The following TTN variants were observed in gnomAD, a reference collection of about 807,000 sequenced individuals.
TTN encodes the protein titin.
TTN carries 1,525 observed loss-of-function variants against 3,223.0 expected under a neutral mutation model. The ratio of observed to expected loss-of-function variants is 0.47; its 90% CI spans 0.45 to 0.49. The LOEUF is 0.49. Among genes scored for constraint, TTN ranks in the 20% least tolerant of loss-of-function variants. TTN has a pLI of 0.00. For missense variants in TTN, 40,786 were observed against 43,424.0 expected (o/e 0.94, Z 5.40); for synonymous variants, 14,094 against 15,161.0 (o/e 0.93, Z 5.17).
chr2:178,723,521 T>C lies in TTN; in HGVS notation c.21579A>G (p.Glu7193=). The C allele has an allele frequency of 6.2e-7, 1 of 1,613,426 alleles. No homozygotes were observed. Among genetic ancestry groups the C allele is most frequent in the Non-Finnish European group, 8.5e-7 (1 of 1,179,612 alleles). Residue 7193 remains glutamate (E), a synonymous_variant, in exon 74 of 363, where the codon GAA becomes GAG. Transcript: ENST00000589042. ...CNIYFEDTVA[E]LELFNIDISQ... is the part of the protein sequence containing the mutation. ...ATATGTCAATATTAAATAATTCCAG[T>C]TCTGCCACAGTGTCTTCAAAATAGA...
chr2:178,572,170 C>T lies in TTN; in HGVS notation c.73962G>A (p.Glu24654=). The T allele has an allele frequency of 6.2e-7, 1 of 1,613,434 alleles. No homozygotes were observed. The highest frequency in any genetic ancestry group is 8.5e-7 in the Non-Finnish European group (1 of 1,179,618). Residue 24654 remains glutamate (E), a synonymous_variant, in exon 326 of 363, where the codon GAG becomes GAA. Transcript: ENST00000589042. The stretch of plus-strand genomic sequence containing the variant: ...ATTTGTCACTGCCTTTGGTCTGCAT[C>T]TCCACAATGTAGCCTAGAATTCGGC... ...GGSRILGYIV[E]MQTKGSDKWA...
chr2:178,693,507 C>T, intron 119 of TTN, 102 bp downstream of exon 119: 1 of 860,096 alleles, frequency 1.2e-6, no homozygotes, highest in Non-Finnish European at 1.7e-6. Flanking sequence ...GGTATGCACA[C>T]TGTGACTAAA....
In TTN at chr2:178,612,785, G is replaced by A. The variant is rs794729448; in HGVS notation, c.49936C>T (p.Arg16646Trp). The change falls in exon 265 of 363, where the codon CGG (arginine) becomes TGG (tryptophan). Residue 16646 changes from arginine to tryptophan, a missense_variant. Coordinates refer to ENST00000589042, the MANE Select transcript of TTN (RefSeq NM_001267550.2). ...AAGAGTGACTTACATAGCTTCTCCC[G>A]GCAAAGCACAGGGTCACTGGGTTCA... Reference protein sequence around the residue: ...PSEPSDPVLCREKLYPPSPPR... With the variant: ...PSEPSDPVLCWEKLYPPSPPR... The A allele has an allele frequency of 5.0e-6, 8 of 1,609,314 alleles. No homozygotes were observed. The highest frequency in any genetic ancestry group is 4.2e-6 in the Non-Finnish European group (5 of 1,178,152).
intron 46 of TTN, among the ~76,000 whole-genome samples, chr2:178,755,261 T>C (rs1243053071): frequency 1.3e-5 from 2 of 152,144 alleles, no homozygotes; most frequent in Non-Finnish European, 2.9e-5. Flanking sequence ...CTTCCAGACA[T>C]AATGGAGAAT....
In TTN at chr2:178,589,146, T is replaced by C. The variant is rs1405326036; in HGVS notation, c.62579A>G (p.Asn20860Ser). 3.1e-6 allele frequency: 5 copies of C among 1,613,260 alleles called. No homozygotes were observed. Among genetic ancestry groups the C allele is most frequent in the East Asian group, 2.2e-5 (1 of 44,728 alleles). Residue 20860 changes from asparagine (N) to serine (S), a missense_variant, in exon 304 of 363, where the codon AAT (asparagine) becomes AGT (serine). Physicochemically the swap from Asn to Ser is conservative, Grantham distance 46 (BLOSUM62 1). Coordinates refer to ENST00000589042, the MANE Select transcript of TTN (RefSeq NM_001267550.2). ...AGSFVAYATV[N>S]VLDKPGPVRN... ...CACAGGACCAGGCTTATCTAAAACATTGACAGTGGCATAGGCCACAAAACT... is the reference window on the plus strand; with the variant it reads ...CACAGGACCAGGCTTATCTAAAACACTGACAGTGGCATAGGCCACAAAACT...
chr2:178,711,167 T>G lies in TTN; in HGVS notation c.28069A>C (p.Thr9357Pro). Residue 9357 changes from threonine (T) to proline (P), a missense_variant, in exon 97 of 363, where the codon ACA becomes CCA. Coordinates refer to ENST00000589042, the MANE Select transcript of TTN (RefSeq NM_001267550.2). The stretch of plus-strand genomic sequence containing the variant: ...CGGTCAGTTTTAAAAATATTGAGTG[T>G]GGCTGTATTGTCTAAAAATGATGTT... ...VQTSFLDNTATLNIFKTDRSL... is the reference protein window; with the variant it reads ...VQTSFLDNTAPLNIFKTDRSL... 6.2e-7 allele frequency: 1 copy of G among 1,613,886 alleles called. No homozygotes were observed. Among genetic ancestry groups the G allele is most frequent in the Non-Finnish European group, 8.5e-7 (1 of 1,179,804 alleles).
At chr2:178,694,463 T>A (rs2073198869) in intron 117 of TTN, 136 bp downstream of exon 117, 1 of 561,412 alleles carries the variant, frequency 1.8e-6, no homozygotes, top group African/African-American at 1.9e-5. Flanking sequence ...CAACTCAACA[T>A]AAAATTTGTA....
rs1288189070 is a variant in TTN at position 178,593,267 on chromosome 2, T to C, written c.58941A>G (p.Gly19647=). 6.2e-7 allele frequency: 1 copy of C among 1,613,436 alleles called. No homozygotes were observed. Among genetic ancestry groups the C allele is most frequent in the Non-Finnish European group, 8.5e-7 (1 of 1,179,578 alleles). ...CAGAAACCCGGAATTCATACTGACA[T>C]CCTTCTAGAAGATCAGGAACCCTAA... is the stretch of plus-strand genomic sequence containing the variant. ...TKFRVPDLLE[G]CQYEFRVSAE... Residue 19647 remains glycine (G), a synonymous_variant, in exon 299 of 363, where the codon GGA becomes GGG. Coordinates refer to ENST00000589042, the MANE Select transcript of TTN (RefSeq NM_001267550.2).
chr2:178,637,176 T>G (rs1368259795), intron 224 of TTN, among the ~76,000 whole-genome samples, 193 bp downstream of exon 224: 3 of 130,890 alleles, frequency 2.3e-5, no homozygotes, highest in Non-Finnish European at 4.8e-5. Context: ...TATATATATA[T>G]ATATATATAT....
Position 178,532,832 on chromosome 2 carries a change from T to C in TTN, c.103783A>G (p.Ile34595Val). Reference sequence around the variant, plus strand: ...AACTGTTCCCATCTTGAAAGGCGGATGCGCTTGGGTCGTTTCTGTACAACT... The same window carrying C: ...AACTGTTCCCATCTTGAAAGGCGGACGCGCTTGGGTCGTTTCTGTACAACT... ...DRVVQKRPKR[I>V]RLSRWEQFYV... Residue 34595 changes from isoleucine (I) to valine (V), a missense_variant, in exon 358 of 363, where the codon ATC (isoleucine) becomes GTC (valine). By Grantham distance (29) the Ile-to-Val change is conservative. Coordinates refer to ENST00000589042, the MANE Select transcript of TTN (RefSeq NM_001267550.2). The C allele has an allele frequency of 6.2e-7, 1 of 1,613,970 alleles. No individual in the cohort carries two copies.
rs1560322362 is a variant in TTN at position 178,680,073 on chromosome 2, T to G, written c.33419-18A>C. The G allele has an allele frequency of 6.2e-7, 1 of 1,609,810 alleles. No homozygotes were observed. Among genetic ancestry groups the G allele is most frequent in the Non-Finnish European group, 8.5e-7 (1 of 1,178,666 alleles). ...TTCTGGCACTTTAAAGATATTATCT[T>G]TAAGTTGGACATTTGCCAATGACTC... On this transcript the variant is annotated intron_variant, in intron 139 of 362. Coordinates refer to ENST00000589042, the MANE Select transcript of TTN (RefSeq NM_001267550.2).
chr2:178,756,203 T>C lies in TTN; in HGVS notation c.11254+19A>G, dbSNP rs2086876608. 2.6e-6 allele frequency: 4 copies of C among 1,559,238 alleles called. No homozygotes were observed. Among genetic ancestry groups the C allele is most frequent in the East Asian group, 2.3e-5 (1 of 44,344 alleles). On this transcript the variant is annotated intron_variant, in intron 46 of 362. Coordinates refer to ENST00000589042, the MANE Select transcript of TTN (RefSeq NM_001267550.2). The stretch of plus-strand genomic sequence containing the variant: ...GATGAGGATGAAATGAAGCAAGTCA[T>C]AGCTAAAAATCAATTAACCACCTTC...
At chr2:178,714,263 A>G in intron 91 of TTN, 29 bp downstream of exon 91, 1 of 1,603,200 alleles carries the variant, frequency 6.2e-7, no homozygotes, top group African/African-American at 1.3e-5. Context: ...TGTGCCTTGT[A>G]TCTGTGATAA....
intron 151 of TTN, among the ~76,000 whole-genome samples, 156 bp from the exon 152 acceptor site, chr2:178,673,866 G>A (rs961269202): frequency 6.6e-6 from 1 of 151,602 alleles, no homozygotes; most frequent in Non-Finnish European, 1.5e-5. Context: ...GAACCCTAGA[G>A]GTGTAAAGGA....
At chr2:178,706,144 A>T (rs915848082) in intron 102 of TTN, among the ~76,000 whole-genome samples, 2 of 152,192 alleles carry the variant, frequency 1.3e-5, no homozygotes, top group Non-Finnish European at 2.9e-5. Flanking sequence ...GGGACATTAC[A>T]GTCATCCCTC....
chr2:178,707,783 T>C lies in TTN; in HGVS notation c.28784A>G (p.His9595Arg). Residue 9595 changes from histidine to arginine, a missense_variant, in exon 100 of 363, where the codon CAC (histidine) becomes CGC (arginine). His to Arg is a conservative substitution (Grantham distance 29). Coordinates refer to ENST00000589042, the MANE Select transcript of TTN (RefSeq NM_001267550.2). The part of the protein sequence containing the change: ...EPKKPPVFDQ[H>R]LTPVTVSEGE... ...TTCACTCACTGTTACTGGAGTAAGG[T>C]GCTGATCAAATACAGGTGGCTTCTT... is the stretch of plus-strand genomic sequence containing the variant. 1 of 1,609,248 alleles carries C rather than the reference T, an allele frequency of 6.2e-7. No homozygotes were observed. The highest frequency in any genetic ancestry group is 8.5e-7 in the Non-Finnish European group (1 of 1,176,452).
rs72650074 is a variant in TTN, at chr2:178,637,578, G to A, written c.40877-159C>T. ...CTTCTATGGATAATCACATTTCCAG[G>A]AAGGCATATTCTGAGACTGAAGAGC... On this transcript the variant is annotated intron_variant, in intron 223 of 362. Coordinates refer to ENST00000589042, the MANE Select transcript of TTN (RefSeq NM_001267550.2). Among the ~76,000 whole-genome samples, 780 of 152,082 alleles carry A rather than the reference G, an allele frequency of 5.1e-3. 3 individuals are homozygous for A. Among genetic ancestry groups the A allele is most frequent in the Non-Finnish European group, 8.7e-3 (590 of 67,950 alleles).
intron 121 of TTN, among the ~76,000 whole-genome samples, chr2:178,691,418 G>A (rs1214031362): frequency 6.6e-6 from 1 of 152,132 alleles, no homozygotes; most frequent in East Asian, 1.9e-4. Flanking sequence ...ACTTTGACTA[G>A]CTAATTAGAT....
chr2:178,718,007 C>G lies in TTN; in HGVS notation c.24999G>C (p.Glu8333Asp), dbSNP rs1438182051. The change falls in exon 86 of 363, where the codon GAG (glutamate) becomes GAC (aspartate). Residue 8333 changes from glutamate to aspartate, a missense_variant. Coordinates refer to ENST00000589042, the MANE Select transcript of TTN (RefSeq NM_001267550.2). ...CACTGTTGTCTGCCTTGCATGAATA[C>G]TCTCCCACATCACTGTGATCCACTT... Reference protein sequence around the residue: ...INKVDHSDVGEYSCKADNSVG... With the variant: ...INKVDHSDVGDYSCKADNSVG... The G allele has an allele frequency of 1.2e-6, 2 of 1,613,678 alleles. No homozygotes were observed. Among genetic ancestry groups the G allele is most frequent in the Non-Finnish European group, 1.7e-6 (2 of 1,179,724 alleles).
Sources: allele counts gnomAD v4.1 joint callset (sites outside exome capture counted in the v4.1 genomes callset), GRCh38; gene constraint gnomAD v4.1.1; transcripts MANE v1.5; gene names NCBI Gene and HGNC (gene_info 2026-07-23, HGNC 2026-07-21).